NEBL: variants seen among roughly 807,000 people sequenced by gnomAD.
The protein encoded by NEBL is nebulette, also known as LIM and SH3 protein 2.
Under a neutral mutation model 140.2 loss-of-function variants are expected in NEBL, and 122 were observed. That is an observed-to-expected ratio of 0.87 (90% CI 0.75 to 1.01). NEBL has a LOEUF of 1.01. Among genes scored for constraint, NEBL ranks in the 50% least tolerant of loss-of-function variants. The probability of loss-of-function intolerance (pLI) is 0.00; values close to 1 mark genes in which losing one functional copy is unlikely to be tolerated. For synonymous variants in NEBL, 436 were observed against 398.9 expected, an observed-to-expected ratio of 1.09 and a Z score of -1.11; for missense variants, 1,365 against 1,231.3, an observed-to-expected ratio of 1.11 and a Z score of -1.62.
intron 4 of NEBL, among the ~76,000 whole-genome samples, chr10:20,906,327 T>G (rs1848091787): frequency 6.6e-6 from 1 of 152,150 alleles, no homozygotes; most frequent in Non-Finnish European, 1.5e-5. Flanking sequence ...GAATCCTTCT[T>G]CCTGAAATCA....
chr10:20,933,149 G>T (rs561587964), intron 4 of NEBL, among the ~76,000 whole-genome samples: 52 of 152,178 alleles, frequency 3.4e-4, no homozygotes, highest in African/African-American at 1.2e-3. Flanking sequence ...GGGATCCCCA[G>T]CAATGATTTG....
chr10:21,119,027 ACAAAAGAAGAGAGAGACTAAGATGCC>A (rs1267455045), intron 2 of NEBL, among the ~76,000 whole-genome samples: 1 of 152,182 alleles, frequency 6.6e-6, no homozygotes, highest in Non-Finnish European at 1.5e-5. Context: ...TATCATGGAA[ACAAAAGAAGAGAGAGACTAAGATGCC>A]CAACAGCAAT....
rs946667242 is a variant in NEBL, at chr10:21,173,918, C to T, written c.-85G>A. 2 of 1,528,026 alleles carry T rather than the reference C, an allele frequency of 1.3e-6. No homozygotes were observed. Among genetic ancestry groups the T allele is most frequent in the Non-Finnish European group, 1.7e-6 (2 of 1,145,290 alleles). The allele number at this position is 1,528,026 out of a possible 1,614,324, so 94.7% of individuals were successfully genotyped here. On this transcript the variant is annotated 5_prime_UTR_variant, in exon 1 of 7. Transcript: ENST00000417816. This position sits in a 1 kb window ranked among gnomAD's most constrained non-coding sequence, Gnocchi z 5.7. Reference sequence around the variant, plus strand: ...CATCCCCCGGCGAGCCCCGCACCGCCTCCTGGCAGGCGGGAGGGCTGCGGG... The same window carrying T: ...CATCCCCCGGCGAGCCCCGCACCGCTTCCTGGCAGGCGGGAGGGCTGCGGG...
chr10:21,101,311 T>C (rs1261744710), intron 2 of NEBL, among the ~76,000 whole-genome samples: 1 of 152,242 alleles, frequency 6.6e-6, no homozygotes, highest in Non-Finnish European at 1.5e-5. Flanking sequence ...TTCTCAGTTC[T>C]TCCAAGGTAA....
At chr10:21,126,597 T>C (rs1241475067) in intron 2 of NEBL, among the ~76,000 whole-genome samples, 1 of 152,130 alleles carries the variant, frequency 6.6e-6, no homozygotes, top group Non-Finnish European at 1.5e-5. Context: ...ACTAACCCAA[T>C]TATTTAAAGA....
chr10:21,187,719 G>T (rs1841499266), intron 3 of NEBL, among the ~76,000 whole-genome samples: 1 of 152,016 alleles, frequency 6.6e-6, no homozygotes, highest in African/African-American at 2.4e-5. Flanking sequence ...TCACCATGCT[G>T]CCCAGGCTAG....
chr10:21,142,798 T>G (rs944318305), intron 2 of NEBL, among the ~76,000 whole-genome samples: 1 of 152,076 alleles, frequency 6.6e-6, no homozygotes, highest in African/African-American at 2.4e-5. Flanking sequence ...ATCCCAGTTG[T>G]GCTCCTTATG....
intron 25 of NEBL, among the ~76,000 whole-genome samples, 175 bp from the exon 26 acceptor site, chr10:20,808,834 A>T (rs573052514): frequency 5.3e-5 from 8 of 152,312 alleles, no homozygotes; most frequent in African/African-American, 1.9e-4. Context: ...CATCAACTAC[A>T]TGAATAACTT....
intron 1 of NEBL, among the ~76,000 whole-genome samples, chr10:21,258,049 T>C (rs954249877): frequency 9.2e-5 from 14 of 152,214 alleles, no homozygotes; most frequent in African/African-American, 3.4e-4. Context: ...GTTTGGAAGA[T>C]GATTCCGGGA....
Position 21,106,828 on chromosome 10 carries a change from T to A in NEBL, c.164+65555A>T, listed in dbSNP as rs193264836. On this transcript the variant is annotated intron_variant, in intron 2 of 6. Transcript: ENST00000417816. ...TCTTCCTATCTATGAGCATGGAAAGTTCTTCCATTTGTTTGTGTCCTCTTT... is the reference window on the plus strand; with the variant it reads ...TCTTCCTATCTATGAGCATGGAAAGATCTTCCATTTGTTTGTGTCCTCTTT... Among the ~76,000 whole-genome samples, 48 of 152,320 alleles carry A rather than the reference T, an allele frequency of 3.2e-4. No homozygotes were observed. In the Middle Eastern group the frequency reaches 0.014, roughly 43 times the overall value.
intron 3 of NEBL, among the ~76,000 whole-genome samples, chr10:21,239,637 G>A (rs1345089488): frequency 6.6e-6 from 1 of 152,088 alleles, no homozygotes; most frequent in Admixed American, 6.6e-5. Context: ...AACATTCGGG[G>A]CCTTGACCCT....
At chr10:21,263,581 GAA>G (rs1842765262) in intron 1 of NEBL, among the ~76,000 whole-genome samples, 1 of 152,146 alleles carries the variant, frequency 6.6e-6, no homozygotes, top group Non-Finnish European at 1.5e-5. Context: ...TTAGTTTTGG[GAA>G]GGGACTATGA....
chr10:20,799,635 C>G (rs757579860), intron 26 of NEBL, among the ~76,000 whole-genome samples: 6 of 152,160 alleles, frequency 3.9e-5, no homozygotes, highest in African/African-American at 9.7e-5. Flanking sequence ...CTGAAATTCT[C>G]TTGCTGAATG....
intron 3 of NEBL, among the ~76,000 whole-genome samples, chr10:21,185,238 C>T (rs1841445902): frequency 6.6e-6 from 1 of 152,198 alleles, no homozygotes; most frequent in Admixed American, 6.5e-5. Context: ...AACACCCAAG[C>T]TACAGCCCTT....
chr10:21,270,385 G>A (rs1488693002), intron 1 of NEBL, among the ~76,000 whole-genome samples: 1 of 108,656 alleles, frequency 9.2e-6, no homozygotes, highest in Admixed American at 1.0e-4. Context: ...TTTTTTTTTT[G>A]AGACAGAGTC....
intron 2 of NEBL, among the ~76,000 whole-genome samples, chr10:21,128,616 G>A (rs1277050965): frequency 6.6e-6 from 1 of 151,988 alleles, no homozygotes; most frequent in African/African-American, 2.4e-5. Context: ...AGAAATGGGT[G>A]TCTAGAAAAG....
chr10:21,004,418 A>G (rs1838033290), intron 3 of NEBL, among the ~76,000 whole-genome samples: 1 of 152,194 alleles, frequency 6.6e-6, no homozygotes, highest in African/African-American at 2.4e-5. Context: ...AATATTAACA[A>G]GCGTAAATAA....
intron 3 of NEBL, among the ~76,000 whole-genome samples, chr10:20,993,073 G>A (rs1260784280): frequency 2.0e-5 from 3 of 151,856 alleles, no homozygotes; most frequent in African/African-American, 4.8e-5. Context: ...GTGAGCCACC[G>A]CGCCTGGCCT....
chr10:21,247,987 ACT>A lies in NEBL; in HGVS notation n.280_281del, dbSNP rs1588560709. 5 of 231,764 alleles carry A rather than the reference ACT, an allele frequency of 2.2e-5. No individual in the cohort carries two copies. The East Asian group carries it at 5.5e-4, about 25-fold the overall frequency. 14.4% of individuals were successfully genotyped at this position (231,764 alleles called of 1,614,324 possible). On this transcript the variant is annotated splice_region_variant and non_coding_transcript_exon_variant, in exon 3 of 9. Transcript: ENST00000675702. ...AGAGGATACCCAAGATTCAGAAGCA[ACT>A]CTGAGGAAGGAAATTATGATTAAAA...
Sources: allele counts gnomAD v4.1 joint callset (sites outside exome capture counted in the v4.1 genomes callset), GRCh38; gene constraint gnomAD v4.1.1; non-coding constraint Gnocchi (gnomAD v3.1); transcripts MANE v1.5; gene names NCBI Gene and HGNC (gene_info 2026-07-23, HGNC 2026-07-21).